HEATR4: variants seen among roughly 807,000 people sequenced by gnomAD.
HEATR4 encodes HEAT repeat containing 4.
HEATR4 carries 95 observed loss-of-function variants against 108.8 expected under a neutral mutation model. That is an observed-to-expected ratio of 0.87 (90% CI 0.74 to 1.04). The LOEUF is 1.04. Among genes scored for constraint, HEATR4 ranks in the 50% least tolerant of loss-of-function variants. The pLI, the probability that HEATR4 is intolerant of heterozygous loss-of-function variation, is 0.00. For synonymous variants in HEATR4, 443 were observed against 459.4 expected (o/e 0.96, Z 0.46); for missense variants, 1,152 against 1,253.8 (o/e 0.92, Z 1.23).
the HEATR4 span, among the ~76,000 whole-genome samples, chr14:73,565,686 G>C: frequency 6.6e-6 from 1 of 151,906 alleles, no homozygotes; most frequent in Admixed American, 6.6e-5. Context: ...CTCTTAAGGC[G>C]GCGTGTCTGG....
chr14:73,619,193 A>C, the HEATR4 span: 1 of 1,520,722 alleles, frequency 6.6e-7, no homozygotes. Flanking sequence ...TCCTCCATTT[A>C]TGAATTCTAA....
intron 2 of HEATR4, among the ~76,000 whole-genome samples, chr14:73,526,786 G>C (rs564835928): frequency 6.6e-6 from 1 of 152,338 alleles, no homozygotes; most frequent in South Asian, 2.1e-4. Flanking sequence ...AAATATCAGT[G>C]GTAGCTAAGC....
At chr14:73,504,296 G>A (rs955676100) in intron 10 of HEATR4, among the ~76,000 whole-genome samples, 3 of 151,268 alleles carry the variant, frequency 2.0e-5, no homozygotes, top group Admixed American at 6.6e-5. Context: ...AGGCTGGGGC[G>A]CAGTGGTGCG....
the HEATR4 span, among the ~76,000 whole-genome samples, chr14:73,621,236 C>G: frequency 4.1e-5 from 3 of 72,674 alleles, no homozygotes; most frequent in African/African-American, 9.2e-5. Flanking sequence ...TCTCTGAACG[C>G]CAGTCTGAAG....
the HEATR4 span, among the ~76,000 whole-genome samples, chr14:73,590,027 G>C: frequency 6.6e-6 from 1 of 152,134 alleles, no homozygotes; most frequent in African/African-American, 2.4e-5. Context: ...AGCAGTGCGG[G>C]CCCAAAAACT....
chr14:73,485,709 C>T (rs1389924409), intron 17 of HEATR4, among the ~76,000 whole-genome samples: 2 of 152,078 alleles, frequency 1.3e-5, no homozygotes, highest in East Asian at 3.9e-4. Context: ...TCCATCTCAA[C>T]TAAAAATACA....
At chr14:73,518,877 T>G (rs549915930) in intron 5 of HEATR4, 146 bp downstream of exon 5, 1 of 675,920 alleles carries the variant, frequency 1.5e-6, no homozygotes, top group South Asian at 2.7e-5. Flanking sequence ...GAGATTATTT[T>G]TAGTACGTAG....
chr14:73,573,501 T>G, the HEATR4 span: 1 of 1,613,758 alleles, frequency 6.2e-7, no homozygotes, highest in Non-Finnish European at 8.5e-7. Context: ...TCTGGCTTAT[T>G]ATAACTATGA....
intron 4 of HEATR4, among the ~76,000 whole-genome samples, chr14:73,519,474 G>A (rs1887838109): frequency 1.3e-5 from 2 of 152,162 alleles, no homozygotes; most frequent in Admixed American, 1.3e-4. Flanking sequence ...GGCCGGGTGT[G>A]GTGGCTCACA....
chr14:73,617,469 T>A, the HEATR4 span, among the ~76,000 whole-genome samples: 1 of 152,258 alleles, frequency 6.6e-6, no homozygotes, highest in South Asian at 2.1e-4. Context: ...GTTTTTGTAC[T>A]AGGATTATTA....
At chr14:73,517,826 C>G (rs1041313245) in intron 5 of HEATR4, among the ~76,000 whole-genome samples, 1 of 151,764 alleles carries the variant, frequency 6.6e-6, no homozygotes, top group East Asian at 1.9e-4. Context: ...CGGTGGCTCA[C>G]GCCTGTAATC....
At chr14:73,592,385 C>T in the HEATR4 span, 2 of 1,553,656 alleles carry the variant, frequency 1.3e-6, no homozygotes, top group South Asian at 1.2e-5. Flanking sequence ...TGCGAGCGGG[C>T]CGGGTGCGCG....
the HEATR4 span, among the ~76,000 whole-genome samples, chr14:73,617,608 G>A: frequency 6.6e-6 from 1 of 152,084 alleles, no homozygotes; most frequent in African/African-American, 2.4e-5. Flanking sequence ...CCACAGAGTG[G>A]CCTTATGATT....
the HEATR4 span, among the ~76,000 whole-genome samples, chr14:73,626,354 G>A: frequency 6.6e-6 from 1 of 152,160 alleles, no homozygotes; most frequent in Non-Finnish European, 1.5e-5. Flanking sequence ...ATCCTGGGCT[G>A]CATGGAGTTC....
At chr14:73,615,425 C>A in the HEATR4 span, among the ~76,000 whole-genome samples, 64 of 122,434 alleles carry the variant, frequency 5.2e-4, no homozygotes, top group African/African-American at 1.2e-3. Flanking sequence ...CAAAAAAAAC[C>A]AGCAACAACG....
At chr14:73,612,736 C>G in the HEATR4 span, 1 of 1,367,546 alleles carries the variant, frequency 7.3e-7, no homozygotes, top group Non-Finnish European at 9.4e-7. Context: ...ACCGTGCCGA[C>G]GCCCGCGACG....
In HEATR4 at chr14:73,539,283, G is replaced by C. The variant is rs1478556777; in HGVS notation, c.-151-9039C>G. On this transcript the variant is annotated intron_variant, in intron 1 of 17. Transcript: ENST00000553558. ...TCCGTCCTGTTACCATTCCAGGAGAGCAGCCACCTCCCTGTGCATGGCAGG... is the reference window on the plus strand; with the variant it reads ...TCCGTCCTGTTACCATTCCAGGAGACCAGCCACCTCCCTGTGCATGGCAGG... 8.6e-5 allele frequency: 10 copies of C among 115,842 alleles called. 1 individual carries two copies. The highest frequency in any genetic ancestry group is 2.3e-4 in the African/African-American group (8 of 35,334). The allele number at this position is 115,842 out of a possible 1,614,324, so 7.2% of individuals were successfully genotyped here.
the HEATR4 span, chr14:73,619,661 A>T: frequency 6.2e-7 from 1 of 1,614,162 alleles, no homozygotes; most frequent in Non-Finnish European, 8.5e-7. Flanking sequence ...CACTGTATTG[A>T]CCCACCTTAT....
At chr14:73,604,635 G>A in the HEATR4 span, among the ~76,000 whole-genome samples, 2 of 151,990 alleles carry the variant, frequency 1.3e-5, no homozygotes, top group Admixed American at 6.6e-5. Flanking sequence ...ACAGGCATGC[G>A]CCACCACACC....
Sources: allele counts gnomAD v4.1 joint callset (sites outside exome capture counted in the v4.1 genomes callset), GRCh38; gene constraint gnomAD v4.1.1; transcripts MANE v1.5; gene names NCBI Gene and HGNC (gene_info 2026-07-23, HGNC 2026-07-21).